Variants in AKAP7 observed in about 807,000 individuals in gnomAD.
The protein encoded by AKAP7 is A-kinase anchoring protein 7.
Under a neutral mutation model 39.5 loss-of-function variants are expected in AKAP7, and 39 were observed. The ratio of observed to expected loss-of-function variants is 0.99; its 90% CI spans 0.76 to 1.29. The LOEUF (loss-of-function observed/expected upper bound fraction) is 1.29, where lower values mean the gene tolerates loss of function less well. AKAP7 is among the 50% of genes most tolerant of loss of function. The pLI, the probability that AKAP7 is intolerant of heterozygous loss-of-function variation, is 0.00. For missense variants in AKAP7, 414 were observed against 407.7 expected (o/e 1.02, Z -0.13); for synonymous variants, 140 against 139.1 (o/e 1.01, Z -0.05).
At chr6:131,195,075 GTTAT>G (rs1338001196) in intron 5 of AKAP7, among the ~76,000 whole-genome samples, 1 of 151,852 alleles carries the variant, frequency 6.6e-6, no homozygotes, top group Non-Finnish European at 1.5e-5. Flanking sequence ...CTTGCCATTT[GTTAT>G]TTGTTTTCTG....
intron 6 of AKAP7, 46 bp from the exon 7 acceptor site, chr6:131,219,615 G>A (rs1416792537): frequency 5.8e-6 from 9 of 1,539,186 alleles, no homozygotes; most frequent in African/African-American, 1.4e-5. Context: ...TGAACTGGCT[G>A]CATGGGTGAA....
At chr6:131,235,319 T>G (rs34326915) in intron 7 of AKAP7, among the ~76,000 whole-genome samples, 43,523 of 152,132 alleles carry the variant, frequency 0.29, 6,722 homozygotes, top group Middle Eastern at 0.39. Context: ...GTTGGACATT[T>G]GGGTTGGTTC....
At chr6:131,173,435 T>G (rs970764389) in intron 5 of AKAP7, among the ~76,000 whole-genome samples, 1 of 152,228 alleles carries the variant, frequency 6.6e-6, no homozygotes, top group African/African-American at 2.4e-5. Flanking sequence ...TCATGTTATC[T>G]TTCCAGTTTT....
the AKAP7 span, among the ~76,000 whole-genome samples, chr6:131,127,853 G>C: frequency 1.3e-5 from 2 of 152,170 alleles, no homozygotes; most frequent in Non-Finnish European, 2.9e-5. Context: ...CCATAATAAA[G>C]AATGAAATCA....
chr6:131,185,114 G>A (rs1354672070), intron 5 of AKAP7: 2 of 639,286 alleles, frequency 3.1e-6, no homozygotes. Context: ...TCCCCAGGGG[G>A]TCAGTGTGCA....
chr6:131,134,280 C>T (rs544714402), upstream of AKAP7, among the ~76,000 whole-genome samples: 1 of 152,216 alleles, frequency 6.6e-6, no homozygotes, highest in African/African-American at 2.4e-5. Context: ...CCTGGTAAAG[C>T]TTTAAAAATA....
intron 7 of AKAP7, among the ~76,000 whole-genome samples, chr6:131,240,132 A>T (rs1234323022): frequency 2.6e-5 from 4 of 152,176 alleles, no homozygotes; most frequent in Non-Finnish European, 5.9e-5. Flanking sequence ...AACAGTCAGG[A>T]TCCTCAGCTG....
chr6:131,279,191 A>G (rs748909774), intron 7 of AKAP7, among the ~76,000 whole-genome samples: 3 of 152,228 alleles, frequency 2.0e-5, no homozygotes, highest in Admixed American at 6.5e-5. Flanking sequence ...AAAGATGGCT[A>G]CAATCTCGTT....
chr6:131,172,195 T>TATAA (rs1804126949), intron 5 of AKAP7, among the ~76,000 whole-genome samples: 1 of 152,162 alleles, frequency 6.6e-6, no homozygotes, highest in Non-Finnish European at 1.5e-5. Context: ...TACAAAAACC[T>TATAA]ATAAATAATT....
intron 7 of AKAP7, among the ~76,000 whole-genome samples, chr6:131,275,861 G>GGGTT (rs1814703606): frequency 1.3e-5 from 2 of 152,230 alleles, no homozygotes; most frequent in Admixed American, 1.3e-4. Flanking sequence ...AAGGCCTGAA[G>GGGTT]GGTTCATAAT....
intron 7 of AKAP7, among the ~76,000 whole-genome samples, chr6:131,258,004 T>C (rs1813005534): frequency 6.6e-6 from 1 of 152,196 alleles, no homozygotes; most frequent in East Asian, 1.9e-4. Flanking sequence ...AGGGAAATTA[T>C]ATTTTCTGAG....
chr6:131,182,368 G>T (rs1477359733), intron 5 of AKAP7, among the ~76,000 whole-genome samples: 1 of 152,138 alleles, frequency 6.6e-6, no homozygotes, highest in African/African-American at 2.4e-5. Flanking sequence ...GAATTTGACT[G>T]TGTAGCTGCC....
Position 131,282,549 on chromosome 6 carries a change from T to G in AKAP7, c.*823T>G. ...AGGAGGGAGCTTTTTGAAGGAAGAC[T>G]TATTAACAACAGTAATTCAGCAAAT... On this transcript the variant is annotated 3_prime_UTR_variant, in exon 8 of 8. Transcript: ENST00000431975. 2.6e-6 allele frequency: 4 copies of G among 1,535,880 alleles called. No individual in the cohort carries two copies. The highest frequency in any genetic ancestry group is 3.5e-6 in the Non-Finnish European group (4 of 1,146,778).
At chr6:131,128,636 A>G in the AKAP7 span, among the ~76,000 whole-genome samples, 4 of 152,238 alleles carry the variant, frequency 2.6e-5, no homozygotes, top group Admixed American at 6.5e-5. Context: ...CAGCCTGGCT[A>G]ACATGGCGAA....
chr6:131,242,288 A>G (rs1212170534), intron 7 of AKAP7: 1 of 726,866 alleles, frequency 1.4e-6, no homozygotes, highest in Non-Finnish European at 1.7e-6. Flanking sequence ...ATATGTGTTC[A>G]TTGCTAACAA....
At chr6:131,243,639 A>T (rs573229644) in intron 7 of AKAP7, among the ~76,000 whole-genome samples, 6 of 152,316 alleles carry the variant, frequency 3.9e-5, no homozygotes, top group African/African-American at 1.4e-4. Context: ...AGCTTGACAT[A>T]CCAGGAAATG....
chr6:131,201,151 GTC>G (rs1203353619), intron 6 of AKAP7, among the ~76,000 whole-genome samples: 1 of 152,144 alleles, frequency 6.6e-6, no homozygotes, highest in Non-Finnish European at 1.5e-5. Flanking sequence ...ACAGAGCACT[GTC>G]TCTGCACCTG....
chr6:131,225,773 A>G (rs1810109294), intron 7 of AKAP7, among the ~76,000 whole-genome samples: 1 of 152,052 alleles, frequency 6.6e-6, no homozygotes, highest in Admixed American at 6.6e-5. Flanking sequence ...TATTTTATGC[A>G]TTTTAAATTT....
intron 6 of AKAP7, among the ~76,000 whole-genome samples, chr6:131,211,455 C>CT (rs1469883710): frequency 6.6e-6 from 1 of 152,056 alleles, no homozygotes; most frequent in Non-Finnish European, 1.5e-5. Context: ...CAGGCTGACT[C>CT]TGAGTGCATT....
Sources: gnomAD v4.1 joint callset for allele counts (sites outside exome capture counted in the v4.1 genomes callset) on GRCh38, gnomAD v4.1.1 for gene constraint, MANE v1.5 for transcripts, NCBI Gene and HGNC (gene_info 2026-07-23, HGNC 2026-07-21) for gene names.